The following CDH1 variants were observed in gnomAD, a reference collection of about 807,000 sequenced individuals.
The protein encoded by CDH1 is cadherin 1.
In CDH1, 35 loss-of-function variants were observed where a neutral mutation model predicts 84.5. The ratio of observed to expected loss-of-function variants is 0.41; its 90% CI spans 0.32 to 0.55. The LOEUF is 0.55. Among genes scored for constraint, CDH1 ranks in the 20% least tolerant of loss-of-function variants. The pLI is 0.19. For missense variants in CDH1, 994 were observed against 1,126.6 expected (o/e 0.88, Z 1.68); for synonymous variants, 417 against 439.0 (o/e 0.95, Z 0.63).
intron 5 of CDH1, 30 bp downstream of exon 5, chr16:68,808,878 C>T (rs372395365): frequency 3.2e-5 from 52 of 1,610,912 alleles, no homozygotes; most frequent in African/African-American, 1.6e-4. Flanking sequence ...TTGTTGACAC[C>T]GGGGTAACAT....
At chr16:68,794,134 G>A (rs1834334028) in intron 2 of CDH1, among the ~76,000 whole-genome samples, 1 of 152,062 alleles carries the variant, frequency 6.6e-6, no homozygotes, top group Non-Finnish European at 1.5e-5. Flanking sequence ...CTGGGCTCAA[G>A]CAAACCTCTT....
intron 1 of CDH1, 93 bp from the exon 2 acceptor site, chr16:68,738,204 C>A: frequency 1.2e-6 from 1 of 855,808 alleles, no homozygotes; most frequent in Non-Finnish European, 1.9e-6. Flanking sequence ...AATCCCGACG[C>A]CGGGAGCGAG....
intron 10 of CDH1, among the ~76,000 whole-genome samples, chr16:68,818,340 G>A (rs1596958989): frequency 6.6e-6 from 1 of 151,820 alleles, no homozygotes; most frequent in East Asian, 1.9e-4. Context: ...ATATTTATAA[G>A]TAAAGGAACA....
At chr16:68,757,967 C>CTTTTTT (rs58385798) in intron 2 of CDH1, among the ~76,000 whole-genome samples, 7 of 113,344 alleles carry the variant, frequency 6.2e-5, no homozygotes, top group South Asian at 6.0e-4. Flanking sequence ...CCAGGCTAAT[C>CTTTTTT]TTTTTTTTTT....
chr16:68,780,236 C>G (rs1471816298), intron 2 of CDH1, among the ~76,000 whole-genome samples: 1 of 151,954 alleles, frequency 6.6e-6, no homozygotes, highest in Non-Finnish European at 1.5e-5. Flanking sequence ...TTGCCTTTGA[C>G]ATGGCACACC....
intron 11 of CDH1, among the ~76,000 whole-genome samples, chr16:68,820,361 T>C (rs1378241580): frequency 1.3e-5 from 2 of 151,482 alleles, no homozygotes; most frequent in African/African-American, 4.8e-5. Context: ...AATTTTTTTT[T>C]TTTTTTTGAG....
chr16:68,751,954 T>C (rs1481193926), intron 2 of CDH1, among the ~76,000 whole-genome samples: 1 of 28,744 alleles, frequency 3.5e-5, no homozygotes, highest in African/African-American at 1.0e-4. Context: ...ATTTTTGTAT[T>C]TTTTTTTTTT....
chr16:68,796,169 CA>C (rs766882118), intron 2 of CDH1, among the ~76,000 whole-genome samples: 30 of 146,160 alleles, frequency 2.1e-4, no homozygotes, highest in African/African-American at 4.5e-4. Flanking sequence ...TCTTTAAAAA[CA>C]AAAAAAAAAG....
chr16:68,774,039 C>T (rs1959658726), intron 2 of CDH1, among the ~76,000 whole-genome samples: 1 of 152,218 alleles, frequency 6.6e-6, no homozygotes, highest in Admixed American at 6.5e-5. Flanking sequence ...CCTCAGCCTC[C>T]CAAGTAGCTG....
chr16:68,830,289 G>C (rs1961452767), intron 15 of CDH1, among the ~76,000 whole-genome samples: 1 of 151,976 alleles, frequency 6.6e-6, no homozygotes, highest in South Asian at 2.1e-4. Flanking sequence ...TCTGAATTTT[G>C]GATCTAATCG....
chr16:68,751,824 CAG>C (rs1473519720), intron 2 of CDH1, among the ~76,000 whole-genome samples: 2 of 151,764 alleles, frequency 1.3e-5, no homozygotes, highest in Non-Finnish European at 2.9e-5. Flanking sequence ...TTTTTTGAGA[CAG>C]AGTCTTGCTC....
At chr16:68,781,212 G>A (rs552416046) in intron 2 of CDH1, among the ~76,000 whole-genome samples, 60 of 152,344 alleles carry the variant, frequency 3.9e-4, no homozygotes, top group Middle Eastern at 3.4e-3. Flanking sequence ...CTGCAGGTCA[G>A]AGGGTTTGAG....
chr16:68,819,438 C>T lies in CDH1; in HGVS notation c.1711+13C>T, dbSNP rs1961082476. ...GCTACAGACAATGGTAAGGGGGCCT[C>T]ATCTGAGCCTTTGCTGCCTCGACCT... is the stretch of plus-strand genomic sequence containing the variant. On this transcript the variant is annotated intron_variant, in intron 11 of 15. Transcript: ENST00000261769. 6.2e-7 allele frequency: 1 copy of T among 1,612,832 alleles called. No individual in the cohort carries two copies. The highest frequency in any genetic ancestry group is 8.5e-7 in the Non-Finnish European group (1 of 1,179,850).
rs750976738 is a variant in CDH1 at position 68,792,231 on chromosome 16, CT to C, written c.164-9423del. 8.8e-3 allele frequency among the ~76,000 whole-genome samples: 998 copies of C among 113,476 alleles called. 6 individuals carry two copies. Among genetic ancestry groups the C allele is most frequent in the African/African-American group, 0.023 (733 of 31,628 alleles). The allele number at this position is 113,476 out of a possible 152,430, so 74.4% of individuals were successfully genotyped here. A position where few individuals can be genotyped will look rare whatever the true frequency, so the allele number is the denominator to read the frequency against. On this transcript the variant is annotated intron_variant, in intron 2 of 15. Coordinates refer to ENST00000261769, the MANE Select transcript of CDH1 (RefSeq NM_004360.5). Reference sequence around the variant, plus strand: ...GCACCACACCCGGCCTAAACACTGACTTTTTTTTTTTTTTTTGAGATGGAGT... The same window carrying C: ...GCACCACACCCGGCCTAAACACTGACTTTTTTTTTTTTTTTGAGATGGAGT...
intron 3 of CDH1, among the ~76,000 whole-genome samples, chr16:68,803,870 C>T (rs1960578956): frequency 6.6e-6 from 1 of 152,056 alleles, no homozygotes; most frequent in African/African-American, 2.4e-5. Flanking sequence ...CTAGGGTAAG[C>T]TGTGCCCAGT....
At chr16:68,790,766 T>G (rs1483696906) in intron 2 of CDH1, among the ~76,000 whole-genome samples, 1 of 152,050 alleles carries the variant, frequency 6.6e-6, no homozygotes, top group Non-Finnish European at 1.5e-5. Flanking sequence ...TCTGGAAAAT[T>G]GAAACCAAGC....
At chr16:68,784,737 G>A (rs1959994602) in intron 2 of CDH1, among the ~76,000 whole-genome samples, 2 of 151,778 alleles carry the variant, frequency 1.3e-5, no homozygotes, top group Admixed American at 1.3e-4. Flanking sequence ...ACTTATGAGT[G>A]AGAACATACA....
rs1028481209 is a variant in CDH1, at chr16:68,765,200, T to G, written c.163+26789T>G. 7 of 152,306 alleles carry G rather than the reference T, an allele frequency of 4.6e-5. No individual in the cohort carries two copies. The East Asian group carries it at 7.7e-4, about 17-fold the overall frequency. 9.4% of individuals were successfully genotyped at this position (152,306 alleles called of 1,614,324 possible). On this transcript the variant is annotated intron_variant, in intron 2 of 15. Transcript: ENST00000261769. ...GAATTAAATTGCTTTTTTATTTTTA[T>G]TTTTTATTTTTCGAGATGGAGTCTC...
intron 2 of CDH1, among the ~76,000 whole-genome samples, chr16:68,771,802 GGCTGGTCTC>G (rs2152120866): frequency 6.6e-6 from 1 of 151,802 alleles, no homozygotes; most frequent in East Asian, 1.9e-4. Context: ...ATGTTGCCCA[GGCTGGTCTC>G]AAATACCTGG....
Sources: gnomAD v4.1 joint callset for allele counts (sites outside exome capture counted in the v4.1 genomes callset) on GRCh38, gnomAD v4.1.1 for gene constraint, MANE v1.5 for transcripts, NCBI Gene and HGNC (gene_info 2026-07-23, HGNC 2026-07-21) for gene names.